S100A13: variants seen among roughly 807,000 people sequenced by gnomAD.
S100A13 encodes S100 calcium binding protein A13, also known as protein S100-A13.
A neutral mutation model predicts 8.2 loss-of-function variants in S100A13; 6 were observed. That is an observed-to-expected ratio of 0.73 (90% CI 0.40 to 1.44). The LOEUF (loss-of-function observed/expected upper bound fraction) is 1.44, where lower values mean the gene tolerates loss of function less well. Among genes scored for constraint, S100A13 ranks in the 40% most tolerant of loss-of-function variants. S100A13 has a pLI of 0.02. For synonymous variants in S100A13, 39 were observed against 45.9 expected, an observed-to-expected ratio of 0.85 and a Z score of 0.61; for missense variants, 114 against 113.6, an observed-to-expected ratio of 1.00 and a Z score of -0.02.
intron 2 of S100A13, among the ~76,000 whole-genome samples, chr1:153,623,434 G>A (rs1667408031): frequency 6.6e-6 from 1 of 151,486 alleles, no homozygotes; most frequent in East Asian, 1.9e-4. Context: ...TGCCCAGGCT[G>A]GAGTGCAGTG....
upstream of S100A13, chr1:153,628,938 C>T (rs928686548): frequency 6.0e-6 from 1 of 166,754 alleles, no homozygotes; most frequent in South Asian, 1.6e-4. Context: ...TCTGCCACCC[C>T]CACCCTGCCT....
chr1:153,630,309 C>T, upstream of S100A13: 1 of 617,952 alleles, frequency 1.6e-6, no homozygotes. Context: ...GACTGAGGGA[C>T]ACAGAGAACA....
upstream of S100A13, chr1:153,629,586 C>G (rs908364423): frequency 3.9e-5 from 6 of 152,554 alleles, no homozygotes; most frequent in African/African-American, 1.4e-4. Context: ...TCTTCTCCTA[C>G]TCTCTCCCAG....
upstream of S100A13, chr1:153,631,218 C>T: frequency 2.0e-6 from 1 of 499,142 alleles, no homozygotes; most frequent in East Asian, 3.4e-5. Context: ...CTAACCAGGG[C>T]CCCAAAGTAA....
upstream of S100A13, chr1:153,628,655 C>T: frequency 6.3e-6 from 8 of 1,274,540 alleles, no homozygotes; most frequent in South Asian, 6.8e-5. Flanking sequence ...TTGGGGGAGA[C>T]AGGGTTTGGA....
At chr1:153,627,420 C>G (rs904379889) in intron 1 of S100A13, 63 bp downstream of exon 1, 1 of 152,432 alleles carries the variant, frequency 6.6e-6, no homozygotes, top group African/African-American at 2.4e-5. Flanking sequence ...GGGGGAGGGA[C>G]CTGGGAGCCC....
At position 153,626,504 on chromosome 1, in the gene S100A13, A is replaced by AG; in HGVS notation, c.-33dup. On this transcript the variant is annotated 5_prime_UTR_variant, in exon 2 of 3. Coordinates refer to ENST00000476133, the MANE Select transcript of S100A13 (RefSeq NM_001024211.2). ...CCTGAGGCCAAAGCTGATGTCCTCAAGGGGCTAGCTGACCTTTGTCAGGGC... is the reference window on the plus strand; with the variant it reads ...CCTGAGGCCAAAGCTGATGTCCTCAAGGGGGCTAGCTGACCTTTGTCAGGGC... 1 of 1,610,178 alleles carries AG rather than the reference A, an allele frequency of 6.2e-7. No homozygotes were observed. The highest frequency in any genetic ancestry group is 1.1e-5 in the South Asian group (1 of 90,982).
chr1:153,630,695 G>A (rs748845886), upstream of S100A13: 5 of 1,609,788 alleles, frequency 3.1e-6, no homozygotes, highest in Middle Eastern at 3.3e-4. Flanking sequence ...GGAGTGGAGT[G>A]GGTGAAGGTT....
chr1:153,625,104 G>C (rs188959009), intron 2 of S100A13, among the ~76,000 whole-genome samples: 1 of 152,116 alleles, frequency 6.6e-6, no homozygotes, highest in Admixed American at 6.5e-5. Context: ...CAGGCAGTGT[G>C]GCATGCGCCT....
intron 2 of S100A13, among the ~76,000 whole-genome samples, chr1:153,621,540 A>G (rs1358743555): frequency 6.6e-6 from 1 of 151,794 alleles, no homozygotes; most frequent in Non-Finnish European, 1.5e-5. Flanking sequence ...TGGGAGGCCA[A>G]GGCGGGTGGA....
chr1:153,629,781 C>G (rs902359612), upstream of S100A13: 1 of 152,432 alleles, frequency 6.6e-6, no homozygotes, highest in African/African-American at 2.4e-5. Context: ...TCAGACATTC[C>G]TCTCTCCCCT....
chr1:153,628,232 T>C (rs973799753), upstream of S100A13: 34 of 1,544,204 alleles, frequency 2.2e-5, no homozygotes, highest in Middle Eastern at 3.6e-4. Flanking sequence ...CACCATCCAC[T>C]GCTGCCTGGA....
At chr1:153,630,666 A>G (rs1557931140), upstream of S100A13, 2 of 1,614,004 alleles carry the variant, frequency 1.2e-6, no homozygotes, top group Non-Finnish European at 1.7e-6. Flanking sequence ...CCTGGATGTG[A>G]GCATAGAGTG....
chr1:153,624,705 A>G (rs1003315168), intron 2 of S100A13, among the ~76,000 whole-genome samples: 4 of 152,154 alleles, frequency 2.6e-5, no homozygotes, highest in Non-Finnish European at 5.9e-5. Flanking sequence ...TTGGAAGGCC[A>G]ATGCAGGAGG....
At chr1:153,628,578 G>A, upstream of S100A13, 2 of 1,531,608 alleles carry the variant, frequency 1.3e-6, no homozygotes, top group Non-Finnish European at 1.8e-6. Flanking sequence ...CAAGAGGCTG[G>A]GGACCATAGC....
chr1:153,625,710 C>T (rs1034618240), intron 2 of S100A13, among the ~76,000 whole-genome samples: 4 of 152,262 alleles, frequency 2.6e-5, no homozygotes, highest in African/African-American at 9.6e-5. Context: ...GCTCTGGGTC[C>T]AGTCCTGTCT....
At chr1:153,622,491 G>A (rs973824562) in intron 2 of S100A13, among the ~76,000 whole-genome samples, 1 of 152,174 alleles carries the variant, frequency 6.6e-6, no homozygotes, top group Non-Finnish European at 1.5e-5. Context: ...CAAGAAGGAA[G>A]AAATGGACAT....
At chr1:153,628,196 G>T (rs891213898), upstream of S100A13, 3 of 1,549,822 alleles carry the variant, frequency 1.9e-6, no homozygotes, top group African/African-American at 4.1e-5. Flanking sequence ...TCCCTCCCAG[G>T]ACCTCCTTCC....
upstream of S100A13, chr1:153,628,377 T>G: frequency 1.9e-6 from 3 of 1,543,454 alleles, no homozygotes; most frequent in Non-Finnish European, 2.6e-6. Context: ...GTGGAGTCGG[T>G]GGGGGGGTCA....
Sources: allele counts gnomAD v4.1 joint callset (sites outside exome capture counted in the v4.1 genomes callset), GRCh38; gene constraint gnomAD v4.1.1; transcripts MANE v1.5; gene names NCBI Gene and HGNC (gene_info 2026-07-23, HGNC 2026-07-21).